GALNT13: variants seen among roughly 807,000 people sequenced by gnomAD.
The protein encoded by GALNT13 is UDP-GalNAc:polypeptide N-acetylgalactosaminyltransferase 13.
In GALNT13, 28 loss-of-function variants were observed where a neutral mutation model predicts 64.2. The ratio of observed to expected loss-of-function variants is 0.44; its 90% CI spans 0.32 to 0.60. The LOEUF is 0.60. GALNT13 is among the 20% of genes least tolerant of loss of function. The pLI is 0.05. For missense variants in GALNT13, 577 were observed against 669.8 expected, an observed-to-expected ratio of 0.86 and a Z score of 1.53; for synonymous variants, 214 against 224.6, an observed-to-expected ratio of 0.95 and a Z score of 0.42.
chr2:153,456,493 G>T, the GALNT13 span, among the ~76,000 whole-genome samples: 13 of 152,162 alleles, frequency 8.5e-5, no homozygotes, highest in Non-Finnish European at 1.6e-4. Context: ...TCAAGGGAGG[G>T]AGTGATGTTT....
At chr2:153,109,164 G>A in the GALNT13 span, among the ~76,000 whole-genome samples, 13 of 152,154 alleles carry the variant, frequency 8.5e-5, no homozygotes, top group Admixed American at 5.2e-4. Flanking sequence ...GGTAATTCAC[G>A]TATGTCATAG....
intron 12 of GALNT13, among the ~76,000 whole-genome samples, chr2:154,443,408 T>G (rs1030436032): frequency 6.6e-6 from 1 of 152,230 alleles, no homozygotes; most frequent in Admixed American, 6.5e-5. Flanking sequence ...ATTCTATGCT[T>G]GATTAACAGA....
chr2:154,068,039 A>G (rs1700558312), intron 3 of GALNT13, among the ~76,000 whole-genome samples: 1 of 152,112 alleles, frequency 6.6e-6, no homozygotes, highest in Non-Finnish European at 1.5e-5. Context: ...ATCCATTTAA[A>G]AAATGGGCCA....
chr2:154,400,087 C>T (rs144400971), intron 10 of GALNT13, among the ~76,000 whole-genome samples: 1 of 152,184 alleles, frequency 6.6e-6, no homozygotes, highest in African/African-American at 2.4e-5. Flanking sequence ...TGCATGGCCA[C>T]GTATACATAA....
intron 4 of GALNT13, among the ~76,000 whole-genome samples, chr2:154,150,877 C>G (rs191591393): frequency 1.3e-5 from 2 of 152,058 alleles, no homozygotes; most frequent in Non-Finnish European, 2.9e-5. Flanking sequence ...TTTCAAAAAA[C>G]CAGCTCCTGG....
In GALNT13 at chr2:154,242,711, G is replaced by T; in HGVS notation, c.492G>T (p.Leu164Phe). 1 of 1,608,502 alleles carries T rather than the reference G, an allele frequency of 6.2e-7. No individual in the cohort carries two copies. Among genetic ancestry groups the T allele is most frequent in the South Asian group, 1.1e-5 (1 of 90,924 alleles). The change falls in exon 6 of 13, where the codon TTG (leucine) becomes TTT (phenylalanine). Residue 164 changes from leucine to phenylalanine, a missense_variant. Physicochemically the swap from Leu to Phe is conservative, Grantham distance 22. Transcript: ENST00000392825. ...TACATGTTACAGATTTTCTCAAGTT[G>T]ACATTAGAGAATTACGTGAAAAATT... ...DDASERDFLK[L>F]TLENYVKNLE... is the part of the protein sequence containing the mutation.
chr2:153,998,097 T>A (rs1356528195), intron 3 of GALNT13, among the ~76,000 whole-genome samples: 1 of 152,202 alleles, frequency 6.6e-6, no homozygotes, highest in Non-Finnish European at 1.5e-5. Context: ...AGTGTCTCAA[T>A]AAACATATGT....
intron 3 of GALNT13, among the ~76,000 whole-genome samples, chr2:153,951,440 C>G (rs1692176190): frequency 6.6e-6 from 1 of 152,054 alleles, no homozygotes; most frequent in South Asian, 2.1e-4. Flanking sequence ...GAAATGATGT[C>G]TGCTTAGAGC....
At chr2:153,756,950 G>A in the GALNT13 span, among the ~76,000 whole-genome samples, 1 of 151,854 alleles carries the variant, frequency 6.6e-6, no homozygotes, top group East Asian at 1.9e-4. Context: ...CACAAATATA[G>A]AATCTCTTCC....
chr2:153,378,302 AG>A, the GALNT13 span, among the ~76,000 whole-genome samples: 2,795 of 114,002 alleles, frequency 0.025, 70 homozygotes, highest in African/African-American at 0.083. Context: ...ATAGATAGAT[AG>A]ATAGATAATT....
At chr2:153,670,575 A>T in the GALNT13 span, among the ~76,000 whole-genome samples, 1 of 152,254 alleles carries the variant, frequency 6.6e-6, no homozygotes, top group Admixed American at 6.5e-5. Flanking sequence ...AAAGGTAGAT[A>T]AAACCGCAAA....
At chr2:153,273,155 C>A in the GALNT13 span, among the ~76,000 whole-genome samples, 1 of 152,128 alleles carries the variant, frequency 6.6e-6, no homozygotes, top group Non-Finnish European at 1.5e-5. Flanking sequence ...GGAGGGATAG[C>A]ATTAGTAGAA....
At chr2:153,128,528 C>G in the GALNT13 span, among the ~76,000 whole-genome samples, 1 of 152,106 alleles carries the variant, frequency 6.6e-6, no homozygotes, top group African/African-American at 2.4e-5. Flanking sequence ...GGTGGGAACA[C>G]AGAGCCAAAC....
chr2:153,717,616 T>C, the GALNT13 span, among the ~76,000 whole-genome samples: 5 of 152,244 alleles, frequency 3.3e-5, no homozygotes, highest in Admixed American at 1.3e-4. Context: ...TTTATATTTA[T>C]AGTTAATTTT....
the GALNT13 span, among the ~76,000 whole-genome samples, chr2:153,101,492 TG>T: frequency 6.6e-6 from 1 of 152,214 alleles, no homozygotes; most frequent in Admixed American, 6.5e-5. Context: ...TCTGTTTTTT[TG>T]CACTTTTGAG....
chr2:154,088,701 C>T (rs965492165), intron 3 of GALNT13, among the ~76,000 whole-genome samples: 4 of 152,282 alleles, frequency 2.6e-5, no homozygotes, highest in East Asian at 3.9e-4. Flanking sequence ...GATTCACCCA[C>T]CTTGGCCTCC....
At chr2:153,419,378 C>T in the GALNT13 span, among the ~76,000 whole-genome samples, 3 of 152,296 alleles carry the variant, frequency 2.0e-5, no homozygotes, top group East Asian at 5.8e-4. Flanking sequence ...TGGGTGAGGA[C>T]ACAGCCAGGC....
At position 154,242,185 on chromosome 2, in the gene GALNT13, C is replaced by T. The variant is rs1265378447; in HGVS notation, c.467C>T (p.Ala156Val). ...TCAGAGGTCATCTTGGTAGATGATG[C>T]CAGTGAAAGAGGTACAAACTGGTTT... ...LLSEVILVDD[A>V]SERDFLKLTL... The change falls in exon 5 of 13, where the codon GCC (alanine) becomes GTC (valine). Residue 156 changes from alanine to valine, a missense_variant. By Grantham distance (64) the Ala-to-Val change is moderately conservative. Transcript: ENST00000392825. 1 of 1,607,166 alleles carries T rather than the reference C, an allele frequency of 6.2e-7. No individual in the cohort carries two copies. The highest frequency in any genetic ancestry group is 8.5e-7 in the Non-Finnish European group (1 of 1,177,918).
chr2:154,275,903 ATCAGTG>A (rs1347948240), intron 8 of GALNT13, among the ~76,000 whole-genome samples: 1 of 152,200 alleles, frequency 6.6e-6, no homozygotes, highest in Non-Finnish European at 1.5e-5. Flanking sequence ...CATCTCTTGT[ATCAGTG>A]TGACCTGGAT....
Sources: allele counts gnomAD v4.1 joint callset (sites outside exome capture counted in the v4.1 genomes callset), GRCh38; gene constraint gnomAD v4.1.1; transcripts MANE v1.5; gene names NCBI Gene and HGNC (gene_info 2026-07-23, HGNC 2026-07-21).